Variants in NEK10 observed in about 807,000 individuals in gnomAD.
NEK10 encodes NIMA related kinase 10, also known as serine/threonine-protein kinase Nek10.
In NEK10, 122 loss-of-function variants were observed where a neutral mutation model predicts 159.8. That is an observed-to-expected ratio of 0.76 (90% CI 0.66 to 0.89). The LOEUF is 0.89. NEK10 is among the 40% of genes least tolerant of loss of function. NEK10 has a pLI of 0.00. For synonymous variants in NEK10, 466 were observed against 457.1 expected, an observed-to-expected ratio of 1.02 and a Z score of -0.25; for missense variants, 1,342 against 1,323.1, an observed-to-expected ratio of 1.01 and a Z score of -0.22.
chr3:27,233,202 AC>A, intron 23 of NEK10, among the ~76,000 whole-genome samples: 1 of 152,100 alleles, frequency 6.6e-6, no homozygotes, highest in Non-Finnish European at 1.5e-5. Flanking sequence ...CAAGAAAAAA[AC>A]AAATAATCCC....
chr3:27,229,476 C>G (rs1226097711), intron 23 of NEK10, among the ~76,000 whole-genome samples: 2 of 152,018 alleles, frequency 1.3e-5, no homozygotes, highest in Non-Finnish European at 2.9e-5. Context: ...TATAACACCC[C>G]CAAAAGATCA....
chr3:27,323,405 G>A (rs1410966197), intron 5 of NEK10, among the ~76,000 whole-genome samples: 1 of 152,176 alleles, frequency 6.6e-6, no homozygotes, highest in Non-Finnish European at 1.5e-5. Context: ...GAGGGTGGTT[G>A]GTGCAAGTGT....
intron 13 of NEK10, among the ~76,000 whole-genome samples, chr3:27,300,342 C>T (rs628866): frequency 0.64 from 96,618 of 151,960 alleles, 33,007 homozygotes; most frequent in African/African-American, 0.91. Flanking sequence ...CCATCATCCA[C>T]GTAAGATGTG....
rs763748852 is a variant in NEK10, at chr3:27,171,903, A to C, written c.2777-30T>G. Reference sequence around the variant, plus strand: ...GACGAGAAAATAGAAATAACTTTACATTATTTCCTCTGCAAATCTTTTATT... The same window carrying C: ...GACGAGAAAATAGAAATAACTTTACCTTATTTCCTCTGCAAATCTTTTATT... On this transcript the variant is annotated intron_variant, in intron 28 of 35. Transcript: ENST00000691995. 3.1e-6 allele frequency: 5 copies of C among 1,592,676 alleles called. No homozygotes were observed. The African/African-American group carries it at 5.4e-5, about 17-fold the overall frequency.
chr3:27,309,938 G>T (rs1345812009), intron 9 of NEK10: 1 of 152,070 alleles, frequency 6.6e-6, no homozygotes, highest in Non-Finnish European at 1.5e-5. Context: ...GGCTTTCCCT[G>T]AATTCTCGTT....
At chr3:27,365,621 T>C (rs1474169658) in intron 1 of NEK10, among the ~76,000 whole-genome samples, 1 of 140,380 alleles carries the variant, frequency 7.1e-6, no homozygotes, top group South Asian at 2.3e-4. Context: ...TTTTTTTTTT[T>C]TTTTTTTTTG....
At chr3:27,309,045 C>A in intron 9 of NEK10, 40 bp from the exon 10 acceptor site, 1 of 997,154 alleles carries the variant, frequency 1.0e-6, no homozygotes. Context: ...TATATAAGTA[C>A]TACAAGCTTC....
chr3:27,141,181 G>A (rs1225339085), intron 31 of NEK10, among the ~76,000 whole-genome samples: 1 of 152,216 alleles, frequency 6.6e-6, no homozygotes. Context: ...TAAGAGCAAA[G>A]AATCCCAACT....
chr3:27,143,457 A>T, intron 30 of NEK10: 1 of 762,488 alleles, frequency 1.3e-6, no homozygotes, highest in Non-Finnish European at 2.4e-6. Context: ...TGCCACAAGA[A>T]TGTGCCCATC....
intron 30 of NEK10, among the ~76,000 whole-genome samples, chr3:27,161,215 A>G (rs564209766): frequency 1.1e-4 from 16 of 152,346 alleles, no homozygotes; most frequent in East Asian, 3.9e-4. Flanking sequence ...TGGAACATCA[A>G]TTAATAACAA....
chr3:27,210,919 A>G (rs1020830786), intron 23 of NEK10, among the ~76,000 whole-genome samples: 1 of 152,184 alleles, frequency 6.6e-6, no homozygotes, highest in Non-Finnish European at 1.5e-5. Context: ...AACTGCTACA[A>G]CTAAAACCAA....
At chr3:27,277,463 A>G (rs1040629059) in intron 22 of NEK10, among the ~76,000 whole-genome samples, 2 of 152,080 alleles carry the variant, frequency 1.3e-5, no homozygotes, top group African/African-American at 4.8e-5. Flanking sequence ...TACCTCCCAG[A>G]TCTGATCATA....
At chr3:27,283,665 G>A (rs944420359) in intron 22 of NEK10, among the ~76,000 whole-genome samples, 3 of 152,162 alleles carry the variant, frequency 2.0e-5, no homozygotes, top group Non-Finnish European at 4.4e-5. Flanking sequence ...TTAATTTTAA[G>A]TTATGAGTAA....
At chr3:27,218,819 G>T (rs1398843723) in intron 23 of NEK10, among the ~76,000 whole-genome samples, 3 of 148,632 alleles carry the variant, frequency 2.0e-5, no homozygotes, top group South Asian at 2.1e-4. Flanking sequence ...CGTGATAAAA[G>T]CACTCAGCTA....
chr3:27,127,853 G>A (rs1390642353), intron 32 of NEK10, among the ~76,000 whole-genome samples: 2 of 151,542 alleles, frequency 1.3e-5, no homozygotes, highest in African/African-American at 2.4e-5. Context: ...ATCCCTCTCC[G>A]CTTCTCCACA....
intron 23 of NEK10, among the ~76,000 whole-genome samples, chr3:27,214,030 G>A (rs543358821): frequency 6.6e-6 from 1 of 152,298 alleles, no homozygotes; most frequent in African/African-American, 2.4e-5. Context: ...TACATGATAA[G>A]AACCTTGGTC....
At chr3:27,227,144 G>C (rs1392061341) in intron 23 of NEK10, among the ~76,000 whole-genome samples, 1 of 152,062 alleles carries the variant, frequency 6.6e-6, no homozygotes, top group African/African-American at 2.4e-5. Flanking sequence ...TTTCTAATGG[G>C]AAAAATGACA....
intron 31 of NEK10, among the ~76,000 whole-genome samples, chr3:27,133,136 T>C (rs1942804425): frequency 6.6e-6 from 1 of 152,200 alleles, no homozygotes; most frequent in African/African-American, 2.4e-5. Context: ...TACCATCCTA[T>C]TCTGACTGCA....
At chr3:27,169,103 TA>T (rs1395309745) in intron 29 of NEK10, among the ~76,000 whole-genome samples, 2 of 152,212 alleles carry the variant, frequency 1.3e-5, no homozygotes, top group African/African-American at 4.8e-5. Context: ...ATAGTAGAAT[TA>T]TTTTTGACAG....
Sources: gnomAD v4.1 joint callset for allele counts (sites outside exome capture counted in the v4.1 genomes callset) on GRCh38, gnomAD v4.1.1 for gene constraint, MANE v1.5 for transcripts, NCBI Gene and HGNC (gene_info 2026-07-23, HGNC 2026-07-21) for gene names.